Variants in KCNS3 observed in about 807,000 individuals in gnomAD.
KCNS3 encodes potassium voltage-gated channel modifier subfamily S member 3, also known as delayed-rectifier potassium channel regulatory subunit KCNS3.
Under a neutral mutation model 31.0 loss-of-function variants are expected in KCNS3, and 13 were observed. The ratio of observed to expected loss-of-function variants is 0.42; its 90% CI spans 0.27 to 0.67. The LOEUF is 0.67. Among genes scored for constraint, KCNS3 ranks in the 30% least tolerant of loss-of-function variants. KCNS3 has a pLI of 0.25. For synonymous variants in KCNS3, 238 were observed against 241.5 expected, an observed-to-expected ratio of 0.99 and a Z score of 0.13; for missense variants, 545 against 622.4, an observed-to-expected ratio of 0.88 and a Z score of 1.32.
At chr2:17,914,090 T>C (rs773989719) in intron 1 of KCNS3, among the ~76,000 whole-genome samples, 2 of 152,196 alleles carry the variant, frequency 1.3e-5, no homozygotes, top group Non-Finnish European at 2.9e-5. Flanking sequence ...CAGCTATCTC[T>C]TAGCCTTGCA....
In KCNS3 at chr2:17,932,934, A is replaced by G. The variant is rs1318576039; in HGVS notation, c.*450A>G. The G allele has an allele frequency of 5.9e-6, 1 of 168,268 alleles. No individual in the cohort carries two copies. Among genetic ancestry groups the G allele is most frequent in the Non-Finnish European group, 1.4e-5 (1 of 70,294 alleles). 10.4% of individuals were successfully genotyped at this position (168,268 alleles called of 1,614,324 possible). ...TTCTAAACATGGAAACTAGGAGCCT[A>G]ATAAACTTCCTAATTCAGTATGGAG... On this transcript the variant is annotated 3_prime_UTR_variant, in exon 3 of 3. Transcript: ENST00000304101.
intron 1 of KCNS3, among the ~76,000 whole-genome samples, chr2:17,884,774 C>T (rs1661589974): frequency 6.6e-6 from 1 of 152,086 alleles, no homozygotes; most frequent in South Asian, 2.1e-4. Flanking sequence ...ACTTCTAGAA[C>T]ATTAGACATT....
intron 1 of KCNS3, among the ~76,000 whole-genome samples, chr2:17,915,810 T>G (rs886556831): frequency 6.6e-6 from 1 of 152,206 alleles, no homozygotes; most frequent in Non-Finnish European, 1.5e-5. Context: ...AGATATTGTC[T>G]GGTATTACAT....
intron 1 of KCNS3, among the ~76,000 whole-genome samples, chr2:17,915,233 C>T (rs12991837): frequency 0.58 from 87,597 of 152,046 alleles, 27,646 homozygotes; most frequent in Non-Finnish European, 0.73. Context: ...TTTCCAGGAT[C>T]GGGCTGAATC....
chr2:17,880,780 A>T (rs1406265835), intron 1 of KCNS3, among the ~76,000 whole-genome samples: 1 of 152,212 alleles, frequency 6.6e-6, no homozygotes, highest in Non-Finnish European at 1.5e-5. Context: ...ACTGAGTATC[A>T]TCATCTTCTT....
At chr2:17,904,781 A>G (rs1370809779) in intron 1 of KCNS3, among the ~76,000 whole-genome samples, 3 of 152,102 alleles carry the variant, frequency 2.0e-5, no homozygotes, top group South Asian at 4.1e-4. Flanking sequence ...GATGTGTGGT[A>G]TTATTTCTGA....
At chr2:17,901,615 C>T (rs541815012) in intron 1 of KCNS3, among the ~76,000 whole-genome samples, 138 of 152,196 alleles carry the variant, frequency 9.1e-4, no homozygotes, top group African/African-American at 2.5e-3. Flanking sequence ...CATCTGGGCT[C>T]CACTGTCAGA....
chr2:17,918,219 G>A (rs1362416423), intron 2 of KCNS3, among the ~76,000 whole-genome samples: 1 of 152,232 alleles, frequency 6.6e-6, no homozygotes, highest in Non-Finnish European at 1.5e-5. Context: ...CTTAAAATGT[G>A]TGTTGTGGAC....
intron 1 of KCNS3, 136 bp from the exon 2 acceptor site, chr2:17,917,544 C>A (rs3810836): frequency 3.3e-5 from 5 of 152,260 alleles, no homozygotes; most frequent in East Asian, 1.9e-4. Flanking sequence ...GACCACCCCC[C>A]ACTTGCTGAG....
chr2:17,918,170 G>T (rs189724891), intron 2 of KCNS3, among the ~76,000 whole-genome samples: 4 of 152,262 alleles, frequency 2.6e-5, no homozygotes. Context: ...TACTGTTATT[G>T]TAACTAGGTT....
chr2:17,907,496 C>T (rs555255712), intron 1 of KCNS3, among the ~76,000 whole-genome samples: 1 of 152,118 alleles, frequency 6.6e-6, no homozygotes, highest in Admixed American at 6.6e-5. Context: ...ATTTGATCCA[C>T]TCCTTATGAT....
At chr2:17,929,388 G>GGA (rs748406976) in intron 2 of KCNS3, among the ~76,000 whole-genome samples, 2 of 152,030 alleles carry the variant, frequency 1.3e-5, no homozygotes, top group African/African-American at 2.4e-5. Flanking sequence ...TGGCAGAGCA[G>GGA]GAGAGAGAGA....
chr2:17,885,328 T>C (rs1661620819), intron 1 of KCNS3, among the ~76,000 whole-genome samples: 1 of 152,216 alleles, frequency 6.6e-6, no homozygotes, highest in South Asian at 2.1e-4. Context: ...GCTTCCTCTG[T>C]ACGCATGGAT....
chr2:17,903,823 T>C (rs1662246939), intron 1 of KCNS3, among the ~76,000 whole-genome samples: 1 of 152,206 alleles, frequency 6.6e-6, no homozygotes, highest in South Asian at 2.1e-4. Context: ...TTCCATGGTG[T>C]ATATGTGCCA....
chr2:17,927,566 T>C (rs574177842), intron 2 of KCNS3, among the ~76,000 whole-genome samples: 1 of 152,154 alleles, frequency 6.6e-6, no homozygotes, highest in East Asian at 1.9e-4. Flanking sequence ...CTTACAATCC[T>C]GATAGAAGGG....
intron 1 of KCNS3, among the ~76,000 whole-genome samples, chr2:17,907,214 T>G (rs908755553): frequency 7.9e-5 from 12 of 152,236 alleles, no homozygotes; most frequent in African/African-American, 2.7e-4. Flanking sequence ...CATTATGTAA[T>G]GGCCTTCTTT....
Position 17,931,124 on chromosome 2 carries a change from C to T in KCNS3, c.116C>T (p.Thr39Ile). The change falls in exon 3 of 3, where the codon ACC becomes ATC. Residue 39 changes from threonine (T) to isoleucine (I), a missense_variant. Coordinates refer to ENST00000304101, the MANE Select transcript of KCNS3 (RefSeq NM_002252.5). This position sits in a 1 kb window ranked among gnomAD's most constrained non-coding sequence, Gnocchi z 5.4. Reference sequence around the variant, plus strand: ...AGCACCCTCCTGCGGTTTCCTCACACCAGACTGGGGAAGCTGCTTACTTGC... The same window carrying T: ...AGCACCCTCCTGCGGTTTCCTCACATCAGACTGGGGAAGCTGCTTACTTGC... ...DQSTLLRFPH[T>I]RLGKLLTCHS... The T allele has an allele frequency of 6.2e-7, 1 of 1,614,204 alleles. No homozygotes were observed. Among genetic ancestry groups the T allele is most frequent in the Non-Finnish European group, 8.5e-7 (1 of 1,180,034 alleles).
intron 1 of KCNS3, among the ~76,000 whole-genome samples, chr2:17,897,349 G>A (rs1662052663): frequency 6.6e-6 from 1 of 152,210 alleles, no homozygotes; most frequent in Non-Finnish European, 1.5e-5. Context: ...AGACCATGAA[G>A]AACATACAAA....
intron 2 of KCNS3, among the ~76,000 whole-genome samples, chr2:17,925,655 G>A (rs1007138653): frequency 1.3e-5 from 2 of 152,140 alleles, no homozygotes; most frequent in African/African-American, 2.4e-5. Flanking sequence ...CAGACCTTGT[G>A]AGAACTCACT....
Sources: allele counts gnomAD v4.1 joint callset (sites outside exome capture counted in the v4.1 genomes callset), GRCh38; gene constraint gnomAD v4.1.1; non-coding constraint Gnocchi (gnomAD v3.1); transcripts MANE v1.5; gene names NCBI Gene and HGNC (gene_info 2026-07-23, HGNC 2026-07-21).